CDH18: variants seen among roughly 807,000 people sequenced by gnomAD.
CDH18 encodes the protein cadherin 18.
A neutral mutation model predicts 67.9 loss-of-function variants in CDH18; 31 were observed. The ratio of observed to expected loss-of-function variants is 0.46; its 90% CI spans 0.34 to 0.62. The LOEUF (loss-of-function observed/expected upper bound fraction) is 0.62. Ranked by LOEUF, CDH18 falls within the 20% of genes least tolerant of loss-of-function variation. The pLI is 0.01. For synonymous variants in CDH18, 362 were observed against 347.2 expected, an observed-to-expected ratio of 1.04 and a Z score of -0.48; for missense variants, 890 against 975.5, an observed-to-expected ratio of 0.91 and a Z score of 1.17.
intron 3 of CDH18, among the ~76,000 whole-genome samples, chr5:19,750,209 A>G (rs908016872): frequency 3.9e-5 from 6 of 152,074 alleles, no homozygotes; most frequent in African/African-American, 7.2e-5. Flanking sequence ...AACCACTGTG[A>G]AATAGCAAAG....
intron 1 of CDH18, among the ~76,000 whole-genome samples, chr5:20,264,640 C>A (rs1200511708): frequency 3.9e-5 from 6 of 151,908 alleles, no homozygotes; most frequent in Non-Finnish European, 7.4e-5. Context: ...CCCCACAAAG[C>A]GGAAAAATCT....
At chr5:20,088,041 G>T (rs1012522636) in intron 2 of CDH18, among the ~76,000 whole-genome samples, 2 of 152,176 alleles carry the variant, frequency 1.3e-5, no homozygotes, top group Non-Finnish European at 2.9e-5. Context: ...TTCTAACAAT[G>T]TATGGGCAAG....
At chr5:19,691,887 T>C (rs1453203575) in intron 5 of CDH18, among the ~76,000 whole-genome samples, 2 of 151,928 alleles carry the variant, frequency 1.3e-5, no homozygotes, top group African/African-American at 4.8e-5. Context: ...TATCCTCATA[T>C]TCATATGGAA....
chr5:19,650,965 TA>T (rs1283010527), intron 5 of CDH18, among the ~76,000 whole-genome samples: 4 of 152,008 alleles, frequency 2.6e-5, no homozygotes, highest in Non-Finnish European at 5.9e-5. Flanking sequence ...TTATGATAAT[TA>T]TTACTATCAA....
At chr5:19,556,318 G>A (rs908369891) in intron 8 of CDH18, among the ~76,000 whole-genome samples, 10 of 151,768 alleles carry the variant, frequency 6.6e-5, no homozygotes, top group Non-Finnish European at 1.0e-4. Context: ...TGATTATTAA[G>A]GCAATCAAGG....
intron 1 of CDH18, among the ~76,000 whole-genome samples, chr5:20,291,148 T>C (rs183724454): frequency 8.5e-5 from 13 of 152,176 alleles, no homozygotes; most frequent in African/African-American, 2.9e-4. Context: ...GAAGATACAT[T>C]TAGGTTGGAG....
intron 1 of CDH18, among the ~76,000 whole-genome samples, chr5:20,567,074 T>G (rs1758555188): frequency 6.6e-6 from 1 of 152,188 alleles, no homozygotes; most frequent in African/African-American, 2.4e-5. Flanking sequence ...CATGAACTCT[T>G]TATTCAGTCA....
At chr5:19,808,464 C>T (rs1778270498) in intron 3 of CDH18, among the ~76,000 whole-genome samples, 1 of 151,864 alleles carries the variant, frequency 6.6e-6, no homozygotes, top group Non-Finnish European at 1.5e-5. Flanking sequence ...TAGAACATAC[C>T]TTCTGAGAAT....
intron 2 of CDH18, among the ~76,000 whole-genome samples, chr5:19,864,409 A>G (rs1259176354): frequency 2.0e-5 from 3 of 150,192 alleles, no homozygotes; most frequent in Non-Finnish European, 3.0e-5. Flanking sequence ...GGATAGCATT[A>G]GGAGATACAC....
In CDH18 at chr5:20,398,675, A is replaced by G. The variant is rs181499085; in HGVS notation, c.-579-143170T>C. ...TATGTAAAAAACCACCACGGCACACATATACCTATGTAAAAAACCACCACG... is the reference window on the plus strand; with the variant it reads ...TATGTAAAAAACCACCACGGCACACGTATACCTATGTAAAAAACCACCACG... On this transcript the variant is annotated intron_variant, in intron 1 of 14. Coordinates refer to the CDH18 transcript ENST00000507958. 2.7e-3 allele frequency among the ~76,000 whole-genome samples: 407 copies of G among 148,640 alleles called. 2 individuals are homozygous for G. Among genetic ancestry groups the G allele is most frequent in the African/African-American group, 9.4e-3 (378 of 40,206 alleles).
In CDH18 at chr5:20,130,376, G is replaced by A. The variant is rs936419721; in HGVS notation, c.-518+125068C>T. Among the ~76,000 whole-genome samples the A allele has an allele frequency of 4.9e-5, 7 of 143,766 alleles. No homozygotes were observed. The South Asian group carries it at 1.1e-3, about 23-fold the overall frequency. 94.3% of individuals were successfully genotyped at this position (143,766 alleles called of 152,430 possible). ...ATGTTGTTTCTCCAATCCAAAGGCA[G>A]AGAGGTAGAGTTCTCTCTTCCTTAG... is the stretch of plus-strand genomic sequence containing the variant. On this transcript the variant is annotated intron_variant, in intron 2 of 14. Transcript: ENST00000507958.
intron 1 of CDH18, among the ~76,000 whole-genome samples, chr5:20,424,553 A>T (rs1748132741): frequency 6.7e-6 from 1 of 149,928 alleles, no homozygotes; most frequent in Non-Finnish European, 1.5e-5. Context: ...GGAGTTCGAG[A>T]CCAGCCTGGC....
chr5:20,021,124 G>T (rs1017808527), intron 2 of CDH18, among the ~76,000 whole-genome samples: 1 of 151,936 alleles, frequency 6.6e-6, no homozygotes, highest in Non-Finnish European at 1.5e-5. Context: ...ATTGCATGGG[G>T]GCTTGTAGCT....
chr5:20,435,075 T>C (rs1014174379), intron 1 of CDH18, among the ~76,000 whole-genome samples: 1 of 152,102 alleles, frequency 6.6e-6, no homozygotes, highest in African/African-American at 2.4e-5. Context: ...CAACCTAGTA[T>C]ATAGCAATGT....
chr5:19,715,706 T>C (rs1476366676), intron 5 of CDH18, among the ~76,000 whole-genome samples: 1 of 152,076 alleles, frequency 6.6e-6, no homozygotes, highest in African/African-American at 2.4e-5. Flanking sequence ...ACTTTTTGAC[T>C]AAAAAGTTCT....
chr5:19,628,709 C>G (rs1751940835), intron 5 of CDH18, among the ~76,000 whole-genome samples: 1 of 151,968 alleles, frequency 6.6e-6, no homozygotes, highest in Non-Finnish European at 1.5e-5. Context: ...CTCAAGCAGA[C>G]ATATTCAGCT....
chr5:19,593,103 T>C (rs919747660), intron 6 of CDH18, among the ~76,000 whole-genome samples: 5 of 152,298 alleles, frequency 3.3e-5, no homozygotes, highest in Admixed American at 1.3e-4. Flanking sequence ...GTCTTAGCTA[T>C]TGTGAATAAT....
At chr5:20,277,422 A>C (rs1580647072) in intron 1 of CDH18, among the ~76,000 whole-genome samples, 1 of 152,142 alleles carries the variant, frequency 6.6e-6, no homozygotes, top group East Asian at 1.9e-4. Flanking sequence ...ACCTCTATGG[A>C]ATCTTCAAGA....
chr5:19,758,510 C>T (rs1322672112), intron 3 of CDH18, among the ~76,000 whole-genome samples: 2 of 152,218 alleles, frequency 1.3e-5, no homozygotes, highest in African/African-American at 2.4e-5. Context: ...GAGCAGCTTG[C>T]ACAGAAGCCT....
Sources: allele counts gnomAD v4.1 joint callset (sites outside exome capture counted in the v4.1 genomes callset), GRCh38; gene constraint gnomAD v4.1.1; transcripts MANE v1.5; gene names NCBI Gene and HGNC (gene_info 2026-07-23, HGNC 2026-07-21).